TUT4: variants seen among roughly 807,000 people sequenced by gnomAD.
TUT4 encodes the protein terminal uridylyl transferase 4.
A neutral mutation model predicts 192.2 loss-of-function variants in TUT4; 36 were observed. The ratio of observed to expected loss-of-function variants is 0.19; its 90% CI spans 0.14 to 0.25. TUT4 has a LOEUF of 0.25. Ranked by LOEUF, TUT4 falls within the 10% of genes least tolerant of loss-of-function variation. TUT4 has a pLI of 1.00. For missense variants in TUT4, 1,493 were observed against 1,957.2 expected (o/e 0.76, Z 4.47); for synonymous variants, 618 against 666.0 (o/e 0.93, Z 1.11).
chr1:52,478,082 A>G (rs1356643642), intron 11 of TUT4, among the ~76,000 whole-genome samples, 200 bp from the exon 12 acceptor site: 1 of 152,122 alleles, frequency 6.6e-6, no homozygotes, highest in Non-Finnish European at 1.5e-5. Context: ...CATTCTTTCC[A>G]CTGAACCAGT....
chr1:52,527,927 C>G (rs566770330), intron 1 of TUT4, among the ~76,000 whole-genome samples: 1 of 152,180 alleles, frequency 6.6e-6, no homozygotes, highest in African/African-American at 2.4e-5. Flanking sequence ...GCCTGTAATC[C>G]CAGCACTTTG....
chr1:52,486,501 T>C (rs1303501400), intron 9 of TUT4, among the ~76,000 whole-genome samples: 1 of 152,028 alleles, frequency 6.6e-6, no homozygotes, highest in Admixed American at 6.6e-5. Flanking sequence ...CCCCAAATCA[T>C]GGAAAAATGC....
chr1:52,543,482 ATT>A (rs60108324), intron 1 of TUT4, among the ~76,000 whole-genome samples: 21,262 of 134,688 alleles, frequency 0.16, 1,391 homozygotes, highest in South Asian at 0.21. Context: ...AAAAGACTTA[ATT>A]TTTTTTTTTT....
rs781047981 is a variant in TUT4, at chr1:52,481,639, T to C, written c.1636-4A>G. The C allele has an allele frequency of 6.9e-6, 11 of 1,586,410 alleles. No individual in the cohort carries two copies. Among genetic ancestry groups the C allele is most frequent in the Admixed American group, 1.8e-5 (1 of 55,010 alleles). On this transcript the variant is annotated splice_region_variant and splice_polypyrimidine_tract_variant and intron_variant, in intron 10 of 29. Transcript: ENST00000257177. Reference sequence around the variant, plus strand: ...TTTTTGGGTCAAAGCCTTCAATCTATATAAAAAGGCATTCCAAATTGGTAG... The same window carrying C: ...TTTTTGGGTCAAAGCCTTCAATCTACATAAAAAGGCATTCCAAATTGGTAG...
chr1:52,445,696 C>A, intron 24 of TUT4, 91 bp downstream of exon 24: 1 of 930,370 alleles, frequency 1.1e-6, no homozygotes. Flanking sequence ...CATCTCTTTC[C>A]CTATATCTAA....
intron 1 of TUT4, among the ~76,000 whole-genome samples, chr1:52,530,233 T>C (rs1402454849): frequency 7.3e-6 from 1 of 136,980 alleles, no homozygotes; most frequent in East Asian, 2.1e-4. Flanking sequence ...CACTCCAGCC[T>C]GGGTGACAGA....
chr1:52,496,520 T>C (rs1486311877), intron 5 of TUT4, among the ~76,000 whole-genome samples: 2 of 152,170 alleles, frequency 1.3e-5, no homozygotes, highest in Non-Finnish European at 2.9e-5. Context: ...CCTATACTGA[T>C]GCAAAAAAGA....
intron 8 of TUT4, 110 bp downstream of exon 8, chr1:52,490,622 T>G: frequency 1.3e-6 from 1 of 784,636 alleles, no homozygotes; most frequent in East Asian, 2.8e-5. Context: ...TTAGTCATAT[T>G]CATCCAAGGA....
rs1244361834 is a variant in TUT4 at position 52,423,805 on chromosome 1, G to C, written c.*130C>G. The C allele has an allele frequency of 6.5e-7, 1 of 1,544,014 alleles. No individual in the cohort carries two copies. Among genetic ancestry groups the C allele is most frequent in the African/African-American group, 1.4e-5 (1 of 72,954 alleles). On this transcript the variant is annotated 3_prime_UTR_variant, in exon 30 of 30. Coordinates refer to ENST00000257177, the MANE Select transcript of TUT4 (RefSeq NM_001009881.3). ...AAAATTTTAAATCAGGACCTGATTT[G>C]TTTTGCTTTCCATTAAATGTCACTT...
chr1:52,517,463 T>C (rs1012630641), intron 2 of TUT4, among the ~76,000 whole-genome samples: 2 of 152,208 alleles, frequency 1.3e-5, no homozygotes, highest in African/African-American at 4.8e-5. Context: ...GTCCTCAAAA[T>C]TGCATGGCAT....
chr1:52,425,292 C>A lies in TUT4; in HGVS notation c.4870+57G>T. The A allele has an allele frequency of 1.9e-6, 3 of 1,565,166 alleles. 1 individual carries two copies. Among genetic ancestry groups the A allele is most frequent in the Non-Finnish European group, 2.6e-6 (3 of 1,153,518 alleles). ...CCAGATCCTGGCCTTCACTAAGGCT[C>A]TCTATCCCAGAATAAAACCCACCCA... On this transcript the variant is annotated intron_variant, in intron 29 of 29. Coordinates refer to ENST00000257177, the MANE Select transcript of TUT4 (RefSeq NM_001009881.3).
intron 4 of TUT4, among the ~76,000 whole-genome samples, chr1:52,502,332 T>C (rs982624826): frequency 6.6e-6 from 1 of 152,164 alleles, no homozygotes; most frequent in Non-Finnish European, 1.5e-5. Flanking sequence ...CTATGTGCCA[T>C]TGGGTCTCCA....
intron 25 of TUT4, 111 bp from the exon 26 acceptor site, chr1:52,437,089 T>C: frequency 7.0e-7 from 1 of 1,432,218 alleles, no homozygotes; most frequent in Non-Finnish European, 9.2e-7. Context: ...ATTTCATGCG[T>C]CTTTTTGAAG....
At chr1:52,461,036 A>G (rs1662409980) in intron 19 of TUT4, 98 bp downstream of exon 19, 6 of 988,042 alleles carry the variant, frequency 6.1e-6, no homozygotes, top group Non-Finnish European at 8.7e-6. Flanking sequence ...AAGCTCAGAT[A>G]AACAAAACTG....
intron 7 of TUT4, among the ~76,000 whole-genome samples, chr1:52,491,610 C>T (rs1346591154): frequency 1.3e-5 from 2 of 152,088 alleles, no homozygotes; most frequent in Admixed American, 6.6e-5. Context: ...CTGCTTGAAC[C>T]CAGGAGGCAG....
At chr1:52,435,909 A>G (rs1010574497) in intron 26 of TUT4, among the ~76,000 whole-genome samples, 1 of 150,788 alleles carries the variant, frequency 6.6e-6, no homozygotes, top group Non-Finnish European at 1.5e-5. Flanking sequence ...GTCTCTCTCT[A>G]TGTCTCTCTC....
At chr1:52,538,708 AC>A (rs1410060607) in intron 1 of TUT4, 1 of 152,136 alleles carries the variant, frequency 6.6e-6, no homozygotes, top group Non-Finnish European at 1.5e-5. Flanking sequence ...GATTAAAAAA[AC>A]ATGAATGATC....
At chr1:52,504,659 A>T (rs902964453) in intron 4 of TUT4, among the ~76,000 whole-genome samples, 2 of 152,130 alleles carry the variant, frequency 1.3e-5, no homozygotes, top group Non-Finnish European at 2.9e-5. Context: ...ATTAAACTCC[A>T]TAATGCTCAA....
intron 20 of TUT4, among the ~76,000 whole-genome samples, chr1:52,456,455 A>C (rs990561230): frequency 7.0e-6 from 1 of 142,908 alleles, no homozygotes; most frequent in African/African-American, 2.5e-5. Flanking sequence ...ATAGATTTAG[A>C]GGTTCAACAA....
Sources: gnomAD v4.1 joint callset for allele counts (sites outside exome capture counted in the v4.1 genomes callset) on GRCh38, gnomAD v4.1.1 for gene constraint, MANE v1.5 for transcripts, NCBI Gene and HGNC (gene_info 2026-07-23, HGNC 2026-07-21) for gene names.